Variants in ODR4 observed in about 807,000 individuals in gnomAD.
ODR4 encodes the protein odr-4 GPCR localization factor homolog.
In ODR4, 47 loss-of-function variants were observed where a neutral mutation model predicts 60.2. That is an observed-to-expected ratio of 0.78 (90% CI 0.62 to 1.00). The LOEUF is 1.00. Ranked by LOEUF, ODR4 falls within the 50% of genes least tolerant of loss-of-function variation. The probability of loss-of-function intolerance (pLI) is 0.00; values close to 1 mark genes in which losing one functional copy is unlikely to be tolerated. For synonymous variants in ODR4, 178 were observed against 175.5 expected (o/e 1.01, Z -0.11); for missense variants, 488 against 530.8 (o/e 0.92, Z 0.79).
Position 186,382,822 on chromosome 1 carries a change from T to G in ODR4, c.100-200T>G, listed in dbSNP as rs957809517. 3.7e-4 allele frequency among the ~76,000 whole-genome samples: 57 copies of G among 152,180 alleles called. 1 individual carries two copies. The highest frequency in any genetic ancestry group is 1.4e-3 in the African/African-American group (56 of 41,446). The stretch of plus-strand genomic sequence containing the variant: ...TAAATACATTAAAAGATAAACAACA[T>G]GTGAGGGAAAGATTGTAAGGCCATC... On this transcript the variant is annotated intron_variant, in intron 2 of 13. Transcript: ENST00000287859.
intron 12 of ODR4, among the ~76,000 whole-genome samples, chr1:186,414,852 A>C (rs1429274498): frequency 2.0e-5 from 3 of 152,188 alleles, no homozygotes; most frequent in African/African-American, 7.2e-5. Context: ...ATATTTGCTC[A>C]TAGAAGAGCC....
chr1:186,429,501 GAGTTCCCTAAAGAAAT>G, the ODR4 span, among the ~76,000 whole-genome samples: 1 of 152,006 alleles, frequency 6.6e-6, no homozygotes, highest in African/African-American at 2.4e-5. Context: ...ACAGACAAAA[GAGTTCCCTAAAGAAAT>G]AGTTACTACA....
intron 10 of ODR4, among the ~76,000 whole-genome samples, 165 bp downstream of exon 10, chr1:186,398,606 A>C (rs1660790847): frequency 6.6e-6 from 1 of 152,168 alleles, no homozygotes. Flanking sequence ...GAAGATTTTC[A>C]TATGTAGAGT....
Position 186,398,320 on chromosome 1 carries a change from A to T in ODR4, c.788A>T (p.Asn263Ile). 1.3e-6 allele frequency: 2 copies of T among 1,589,476 alleles called. No individual in the cohort carries two copies. The highest frequency in any genetic ancestry group is 1.7e-6 in the Non-Finnish European group (2 of 1,168,466). ...ACAGATTTTGTCTTTCAGCTCCTGA[A>T]TTCAGACCACAGATCCACAGCCACA... ...DVRVLTQLLL[N>I]SDHRSTATVQ... Residue 263 changes from asparagine to isoleucine, a missense_variant, in exon 10 of 14, where the codon AAT (asparagine) becomes ATT (isoleucine). Transcript: ENST00000287859.
Position 186,393,300 on chromosome 1 carries a change from A to G in ODR4, c.712-647A>G, listed in dbSNP as rs577081078. Among the ~76,000 whole-genome samples, 16 of 152,326 alleles carry G rather than the reference A, an allele frequency of 1.1e-4. 1 individual carries two copies. In the South Asian group the frequency reaches 2.1e-3, roughly 20 times the overall value. On this transcript the variant is annotated intron_variant, in intron 8 of 13. Transcript: ENST00000287859. ...TAAAAGTTAAAAAATAAGTCCAGGA[A>G]AAAAAAGAAAATGATGTAATTGGAA... is the stretch of plus-strand genomic sequence containing the variant.
At chr1:186,390,901 G>C in intron 7 of ODR4, 50 bp downstream of exon 7, 1 of 1,523,346 alleles carries the variant, frequency 6.6e-7, no homozygotes, top group Non-Finnish European at 9.0e-7. Flanking sequence ...TGAACAATCT[G>C]CTTTTATTCT....
At chr1:186,394,123 G>A in intron 9 of ODR4, 108 bp downstream of exon 9, 1 of 661,098 alleles carries the variant, frequency 1.5e-6, no homozygotes, top group Non-Finnish European at 2.6e-6. Flanking sequence ...AGAGCTGTAA[G>A]AGACTGTATG....
intron 6 of ODR4, 63 bp downstream of exon 6, chr1:186,389,687 T>G: frequency 8.6e-7 from 1 of 1,159,394 alleles, no homozygotes; most frequent in Non-Finnish European, 1.2e-6. Context: ...AAAATTCAGC[T>G]TTTATTTAGT....
At chr1:186,426,473 C>T in the ODR4 span, among the ~76,000 whole-genome samples, 1 of 152,142 alleles carries the variant, frequency 6.6e-6, no homozygotes, top group Non-Finnish European at 1.5e-5. Flanking sequence ...TTTGGCTTCC[C>T]ACAGCATGGT....
intron 12 of ODR4, among the ~76,000 whole-genome samples, chr1:186,411,441 TAAATA>T (rs1364817248): frequency 1.3e-5 from 2 of 152,156 alleles, no homozygotes; most frequent in Non-Finnish European, 1.5e-5. Flanking sequence ...CTTTTGCAAA[TAAATA>T]AAAGTTTTAA....
At chr1:186,402,186 TA>T (rs1660988608) in intron 11 of ODR4, among the ~76,000 whole-genome samples, 9 of 91,504 alleles carry the variant, frequency 9.8e-5, no homozygotes, top group Non-Finnish European at 1.6e-4. Context: ...ATAGGCATCC[TA>T]TTCTTTCTTT....
At chr1:186,398,563 T>C in intron 10 of ODR4, 122 bp downstream of exon 10, 2 of 950,602 alleles carry the variant, frequency 2.1e-6, no homozygotes, top group Non-Finnish European at 1.5e-6. Flanking sequence ...TAATGGCCTA[T>C]TGTGCAGTCC....
intron 7 of ODR4, 133 bp downstream of exon 7, chr1:186,390,984 T>A: frequency 1.1e-6 from 1 of 949,120 alleles, no homozygotes; most frequent in Non-Finnish European, 1.5e-6. Flanking sequence ...GTGAGTAACT[T>A]ATTACCGCAG....
At chr1:186,421,393 A>C (rs1264049196), downstream of ODR4, 1 of 152,202 alleles carries the variant, frequency 6.6e-6, no homozygotes, top group African/African-American at 2.4e-5. Flanking sequence ...GAATTTTTAA[A>C]TAAGGATATA....
intron 8 of ODR4, 107 bp downstream of exon 8, chr1:186,391,898 T>G: frequency 2.9e-6 from 2 of 681,298 alleles, no homozygotes; most frequent in South Asian, 3.7e-5. Context: ...CATCTACCTC[T>G]CATTTCTGAT....
intron 9 of ODR4, among the ~76,000 whole-genome samples, chr1:186,396,007 C>T (rs1193015386): frequency 6.6e-6 from 1 of 152,162 alleles, no homozygotes; most frequent in East Asian, 1.9e-4. Context: ...CTTTAAAGCT[C>T]TGTATTTCCT....
chr1:186,385,837 A>T, intron 3 of ODR4, 151 bp from the exon 4 acceptor site: 1 of 526,024 alleles, frequency 1.9e-6, no homozygotes, highest in South Asian at 2.7e-5. Flanking sequence ...TTATTTATTG[A>T]TGTAGCTAAA....
chr1:186,418,246 GTCTGTC>G (rs1558102687), intron 13 of ODR4, among the ~76,000 whole-genome samples: 1 of 149,856 alleles, frequency 6.7e-6, no homozygotes, highest in African/African-American at 2.4e-5. Context: ...ATGTGTGTGT[GTCTGTC>G]TGTCTGTCTG....
intron 11 of ODR4, chr1:186,400,496 G>C: frequency 6.6e-6 from 1 of 151,422 alleles, no homozygotes; most frequent in Non-Finnish European, 1.5e-5. Flanking sequence ...GCCAGGCTGG[G>C]CTCGAACTCC....
Sources: gnomAD v4.1 joint callset for allele counts (sites outside exome capture counted in the v4.1 genomes callset) on GRCh38, gnomAD v4.1.1 for gene constraint, MANE v1.5 for transcripts, NCBI Gene and HGNC (gene_info 2026-07-23, HGNC 2026-07-21) for gene names.